PEDS1: variants seen among roughly 807,000 people sequenced by gnomAD.
The protein encoded by PEDS1 is CarF homolog.
In PEDS1, 14 loss-of-function variants were observed where a neutral mutation model predicts 35.2. That is an observed-to-expected ratio of 0.40 (90% CI 0.26 to 0.62). PEDS1 has a LOEUF of 0.62. Among genes scored for constraint, PEDS1 ranks in the 20% least tolerant of loss-of-function variants. The pLI is 0.44. For missense variants in PEDS1, 260 were observed against 367.8 expected (o/e 0.71, Z 2.40); for synonymous variants, 152 against 152.0 (o/e 1.00, Z 0.00).
intron 2 of PEDS1, among the ~76,000 whole-genome samples, chr20:50,132,505 A>G (rs1312231192): frequency 6.6e-6 from 1 of 151,750 alleles, no homozygotes; most frequent in Non-Finnish European, 1.5e-5. Context: ...AACACAGCTC[A>G]CTCCCTCACC....
Position 50,129,227 on chromosome 20 carries a change from TG to T in PEDS1, c.478+318del, listed in dbSNP as rs2081146470. 6.6e-6 allele frequency among the ~76,000 whole-genome samples: 1 copy of T among 152,052 alleles called. No individual in the cohort carries two copies. Among genetic ancestry groups the T allele is most frequent in the African/African-American group, 2.4e-5 (1 of 41,418 alleles). ...GGTAACACAAATGAACAAGGTGGGTTGGGTGCAGGGAAGCAAGGAATAGTGG... is the reference window on the plus strand; with the variant it reads ...GGTAACACAAATGAACAAGGTGGGTTGGTGCAGGGAAGCAAGGAATAGTGG... On this transcript the variant is annotated intron_variant, in intron 4 of 5. Coordinates refer to ENST00000371652, the MANE Select transcript of PEDS1 (RefSeq NM_199129.4). This position sits in a 1 kb window ranked among gnomAD's most constrained non-coding sequence, Gnocchi z 4.2.
In PEDS1 at chr20:50,153,042, GCA is replaced by G. The variant is rs111312738; in HGVS notation, c.121+473_121+474del. On this transcript the variant is annotated intron_variant, in intron 1 of 5. Transcript: ENST00000371652. ...TTTGCAGCCCAGGGCCTGGGCTAGG[GCA>G]CAGAGGAGGTACTAGGATGTAGATT... 3.0e-3 allele frequency among the ~76,000 whole-genome samples: 463 copies of G among 152,146 alleles called. 4 individuals carry two copies. The highest frequency in any genetic ancestry group is 0.01 in the African/African-American group (434 of 41,488).
chr20:50,128,249 A>C lies in PEDS1; in HGVS notation c.479-62T>G. 4.4e-6 allele frequency: 7 copies of C among 1,592,030 alleles called. No individual in the cohort carries two copies. Among genetic ancestry groups the C allele is most frequent in the Non-Finnish European group, 6.0e-6 (7 of 1,169,028 alleles). Reference sequence around the variant, plus strand: ...CACTCGGGACGGGGAACCCACCCCAAATGGCCCTCACCACCTGCTCCTGGG... The same window carrying C: ...CACTCGGGACGGGGAACCCACCCCACATGGCCCTCACCACCTGCTCCTGGG... On this transcript the variant is annotated intron_variant, in intron 4 of 5. Coordinates refer to ENST00000371652, the MANE Select transcript of PEDS1 (RefSeq NM_199129.4). The surrounding 1 kb of genome is among the most constrained non-coding windows in gnomAD (Gnocchi z 5.2).
chr20:50,153,678 G>A lies in PEDS1; in HGVS notation c.-41C>T, dbSNP rs553325520. ...CGGCCCGGTGCGCTCTGCTGGCGGC[G>A]GCGGCGGCAGGGCCGCGGAACCGCG... On this transcript the variant is annotated 5_prime_UTR_variant, in exon 1 of 6. Coordinates refer to ENST00000371652, the MANE Select transcript of PEDS1 (RefSeq NM_199129.4). 4.4e-5 allele frequency: 53 copies of A among 1,207,218 alleles called. No individual in the cohort carries two copies. The highest frequency in any genetic ancestry group is 4.9e-5 in the Non-Finnish European group (48 of 972,510). 74.8% of individuals were successfully genotyped at this position (1,207,218 alleles called of 1,614,324 possible). A position where few individuals can be genotyped will look rare whatever the true frequency, so the allele number is the denominator to read the frequency against.
chr20:50,139,546 C>G (rs1391676009), intron 2 of PEDS1, among the ~76,000 whole-genome samples: 1 of 151,970 alleles, frequency 6.6e-6, no homozygotes. Flanking sequence ...CCTGGCAGCG[C>G]CATCCCAGCC....
intron 1 of PEDS1, among the ~76,000 whole-genome samples, chr20:50,152,341 G>A (rs1368430543): frequency 6.6e-6 from 1 of 152,240 alleles, no homozygotes; most frequent in Non-Finnish European, 1.5e-5. Flanking sequence ...GGCAAGGGCT[G>A]CATGTGGTGC....
intron 2 of PEDS1, among the ~76,000 whole-genome samples, chr20:50,142,704 G>A (rs912531158): frequency 4.1e-4 from 11 of 26,512 alleles, no homozygotes; most frequent in African/African-American, 1.4e-3. Flanking sequence ...CCGCCCCAAC[G>A]GCCTCCCACA....
Position 50,128,168 on chromosome 20 carries a change from G to A in PEDS1, c.498C>T (p.Tyr166=), listed in dbSNP as rs771166583. 1 of 1,614,094 alleles carries A rather than the reference G, an allele frequency of 6.2e-7. No individual in the cohort carries two copies. Among genetic ancestry groups the A allele is most frequent in the Non-Finnish European group, 8.5e-7 (1 of 1,180,018 alleles). ...THSPEALEQL[Y]PWECFVFCLI... ...GGCAGAAGACGAAGCACTCCCAGGG[G>A]TATAGCTGCTCCAGGGCTTCTGCAG... The change falls in exon 5 of 6, where the codon TAC becomes TAT. Residue 166 remains tyrosine (Y), a synonymous_variant. Coordinates refer to ENST00000371652, the MANE Select transcript of PEDS1 (RefSeq NM_199129.4). The surrounding 1 kb of genome is among the most constrained non-coding windows in gnomAD (Gnocchi z 5.2).
At chr20:50,130,982 G>A (rs746961603) in intron 2 of PEDS1, 35 bp from the exon 3 acceptor site, 2 of 1,614,106 alleles carry the variant, frequency 1.2e-6, no homozygotes, top group Admixed American at 1.7e-5. Flanking sequence ...GGACATCCCT[G>A]CACCCCCCCA....
intron 2 of PEDS1, among the ~76,000 whole-genome samples, chr20:50,140,155 C>T (rs2081278027): frequency 6.6e-6 from 1 of 152,230 alleles, no homozygotes; most frequent in Admixed American, 6.5e-5. Context: ...CCACAGCCAA[C>T]CTGGAAGCAC....
chr20:50,143,517 C>A lies in PEDS1; in HGVS notation c.226G>T (p.Val76Phe). 6.2e-7 allele frequency: 1 copy of A among 1,609,162 alleles called. No individual in the cohort carries two copies. Among genetic ancestry groups the A allele is most frequent in the South Asian group, 1.1e-5 (1 of 89,996 alleles). Reference protein sequence around the residue: ...LLARWEDTPLVILGVVAGALI... With the variant: ...LLARWEDTPLFILGVVAGALI... ...GGGCACTCACCAACACCGAGTATGACGAGGGGTGTGTCCTCCCAGCGGGCC... is the reference window on the plus strand; with the variant it reads ...GGGCACTCACCAACACCGAGTATGAAGAGGGGTGTGTCCTCCCAGCGGGCC... The change falls in exon 2 of 6, where the codon GTC (valine) becomes TTC (phenylalanine). Residue 76 changes from valine to phenylalanine, a missense_variant. Physicochemically the swap from Val to Phe is conservative, Grantham distance 50 (BLOSUM62 -1). Transcript: ENST00000371652.
At chr20:50,140,921 C>G (rs957915850) in intron 2 of PEDS1, among the ~76,000 whole-genome samples, 1 of 152,200 alleles carries the variant, frequency 6.6e-6, no homozygotes, top group African/African-American at 2.4e-5. Context: ...ATTGTCTGCT[C>G]TCATCAGCCC....
intron 2 of PEDS1, among the ~76,000 whole-genome samples, chr20:50,137,144 A>G (rs963389589): frequency 6.6e-6 from 1 of 152,098 alleles, no homozygotes; most frequent in Non-Finnish European, 1.5e-5. Flanking sequence ...ACAGCTCACT[A>G]CAGCCTTGAG....
intron 5 of PEDS1, among the ~76,000 whole-genome samples, chr20:50,127,191 G>A (rs2081115961): frequency 6.6e-6 from 1 of 152,088 alleles, no homozygotes; most frequent in African/African-American, 2.4e-5. Flanking sequence ...CCCGATTTAA[G>A]AGGCAAAGCC....
intron 1 of PEDS1, among the ~76,000 whole-genome samples, chr20:50,149,542 G>A (rs534879549): frequency 2.0e-5 from 3 of 152,290 alleles, no homozygotes; most frequent in African/African-American, 4.8e-5. Flanking sequence ...ACTCAGCCCA[G>A]AACAGGACAG....
At chr20:50,125,525 A>G (rs1268133945) in intron 5 of PEDS1, among the ~76,000 whole-genome samples, 4 of 151,924 alleles carry the variant, frequency 2.6e-5, no homozygotes, top group African/African-American at 9.7e-5. Context: ...GCAGCACCCC[A>G]GGTTTCTCAC....
At chr20:50,147,648 T>C (rs1209591201) in intron 1 of PEDS1, among the ~76,000 whole-genome samples, 1 of 152,210 alleles carries the variant, frequency 6.6e-6, no homozygotes, top group Non-Finnish European at 1.5e-5. Context: ...CCCCACGCCA[T>C]GGAGAACGTC....
Position 50,124,605 on chromosome 20 carries a change from G to C in PEDS1, c.*453C>G, listed in dbSNP as rs980014838. ...GGGCTGTCCACCTGCCCAGCCTCCCGGGGTCAGTATGCAGGGCTGTGGCAG... is the reference window on the plus strand; with the variant it reads ...GGGCTGTCCACCTGCCCAGCCTCCCCGGGTCAGTATGCAGGGCTGTGGCAG... On this transcript the variant is annotated 3_prime_UTR_variant, in exon 6 of 6. Transcript: ENST00000371652. The C allele has an allele frequency of 6.3e-6, 1 of 157,990 alleles. No individual in the cohort carries two copies. The highest frequency in any genetic ancestry group is 1.4e-5 in the Non-Finnish European group (1 of 71,150). The allele number at this position is 157,990 out of a possible 1,614,324, so 9.8% of individuals were successfully genotyped here. A position where few individuals can be genotyped will look rare whatever the true frequency, so the allele number is the denominator to read the frequency against.
At position 50,125,120 on chromosome 20, in the gene PEDS1, G is replaced by T. The variant is rs1263526236; in HGVS notation, c.751C>A (p.Gln251Lys). Residue 251 changes from glutamine (Q) to lysine (K), a missense_variant, in exon 6 of 6, where the codon CAG becomes AAG. Transcript: ENST00000371652. ...CGAGGCTTCTCGCCCGTCAGGCCCT[G>T]GATGAGGTCCTCCAGGCGTCGCCAG... ...GFWRRLEDLI[Q>K]GLTGEKPRAD... 1.2e-6 allele frequency: 2 copies of T among 1,614,214 alleles called. No individual in the cohort carries two copies. Among genetic ancestry groups the T allele is most frequent in the African/African-American group, 1.3e-5 (1 of 75,062 alleles).
Sources: gnomAD v4.1 joint callset for allele counts (sites outside exome capture counted in the v4.1 genomes callset) on GRCh38, gnomAD v4.1.1 for gene constraint, Gnocchi (gnomAD v3.1) non-coding constraint, MANE v1.5 for transcripts, NCBI Gene and HGNC (gene_info 2026-07-23, HGNC 2026-07-21) for gene names.